Variants in ALPK1 observed in about 807,000 individuals in gnomAD.
The protein encoded by ALPK1 is alpha-protein kinase 1.
ALPK1 carries 110 observed loss-of-function variants against 120.6 expected under a neutral mutation model. The observed-to-expected ratio is 0.91, with a 90% CI of 0.78 to 1.07. ALPK1 has a LOEUF of 1.07. ALPK1 is among the 50% of genes least tolerant of loss of function. The pLI is 0.00. For missense variants in ALPK1, 1,498 were observed against 1,483.9 expected, an observed-to-expected ratio of 1.01 and a Z score of -0.16; for synonymous variants, 582 against 560.3, an observed-to-expected ratio of 1.04 and a Z score of -0.55.
At chr4:112,305,043 A>G (rs1427713154) in intron 1 of ALPK1, among the ~76,000 whole-genome samples, 1 of 152,102 alleles carries the variant, frequency 6.6e-6, no homozygotes, top group African/African-American at 2.4e-5. Flanking sequence ...CAGGTTTGTC[A>G]AAGATCAGAT....
At chr4:112,425,303 AGCACTGAGGCTGAG>A in intron 6 of ALPK1, 1 of 183,556 alleles carries the variant, frequency 5.4e-6, no homozygotes, top group South Asian at 1.2e-4. Flanking sequence ...TTTGAGGAAA[AGCACTGAGGCTGAG>A]ACCTGAAGGA....
Position 112,338,890 on chromosome 4 carries a change from AG to A in ALPK1, c.-101+23040del, listed in dbSNP as rs1483474594. ...TGGTCACCTACCTCATGGTCACCTC[AG>A]GAGAGCAGGCAAAAACTACCTGCTA... On this transcript the variant is annotated intron_variant, in intron 2 of 15. Coordinates refer to ENST00000650871, the MANE Select transcript of ALPK1 (RefSeq NM_025144.4). 1.8e-4 allele frequency among the ~76,000 whole-genome samples: 28 copies of A among 152,220 alleles called. 1 individual carries two copies. Among genetic ancestry groups the A allele is most frequent in the Admixed American group, 1.7e-3 (26 of 15,282 alleles).
At chr4:112,353,362 T>C (rs566742992) in intron 2 of ALPK1, among the ~76,000 whole-genome samples, 79 of 152,312 alleles carry the variant, frequency 5.2e-4, no homozygotes, top group African/African-American at 1.7e-3. Context: ...TGTGTCACTA[T>C]AAAGATTCTT....
chr4:112,298,890 C>T (rs983010536), intron 1 of ALPK1, among the ~76,000 whole-genome samples: 9 of 152,038 alleles, frequency 5.9e-5, no homozygotes, highest in African/African-American at 2.2e-4. Context: ...TTTACTGATC[C>T]CTTTCCCATG....
At chr4:112,316,993 A>G (rs1053220791) in intron 2 of ALPK1, among the ~76,000 whole-genome samples, 7 of 152,164 alleles carry the variant, frequency 4.6e-5, no homozygotes, top group Non-Finnish European at 2.9e-5. Flanking sequence ...ACTTTAGTGG[A>G]TGAATCAAAT....
At chr4:112,314,231 T>TGATGAG (rs1399445640) in intron 1 of ALPK1, among the ~76,000 whole-genome samples, 3 of 152,138 alleles carry the variant, frequency 2.0e-5, no homozygotes, top group Non-Finnish European at 4.4e-5. Context: ...AGTCCTCGTC[T>TGATGAG]GATGAGGATG....
At chr4:112,418,764 T>C (rs968991144) in intron 5 of ALPK1, among the ~76,000 whole-genome samples, 7 of 152,012 alleles carry the variant, frequency 4.6e-5, no homozygotes, top group African/African-American at 1.7e-4. Context: ...ACTCCCTGCA[T>C]AGGAGGGAAC....
intron 2 of ALPK1, among the ~76,000 whole-genome samples, chr4:112,323,760 AT>A (rs1244003074): frequency 5.9e-5 from 9 of 152,178 alleles, no homozygotes; most frequent in Non-Finnish European, 1.0e-4. Flanking sequence ...AGAGTCTGTA[AT>A]TTGCTTCTAC....
At chr4:112,369,970 G>A (rs1343816271) in intron 2 of ALPK1, among the ~76,000 whole-genome samples, 1 of 152,050 alleles carries the variant, frequency 6.6e-6, no homozygotes, top group African/African-American at 2.4e-5. Context: ...TTCTAGCTTG[G>A]GGATTCTGAC....
intron 14 of ALPK1, 90 bp from the exon 15 acceptor site, chr4:112,440,827 G>GTGTT: frequency 5.3e-6 from 8 of 1,507,856 alleles, no homozygotes; most frequent in Non-Finnish European, 7.0e-6. Context: ...GTGTGTGTGT[G>GTGTT]TGTGTGTGTG....
Position 112,431,040 on chromosome 4 carries a change from A to G in ALPK1, c.1493A>G (p.Lys498Arg). The G allele has an allele frequency of 6.2e-7, 1 of 1,613,356 alleles. No individual in the cohort carries two copies. The highest frequency in any genetic ancestry group is 1.3e-5 in the African/African-American group (1 of 74,902). ...ATCACTGCTCTAAAAACAGAAATAA[A>G]AAACATAGATACTGTGAGTACTACT... ...VCITALKTEI[K>R]NIDTVSTTQE... The change falls in exon 11 of 16, where the codon AAA (lysine) becomes AGA (arginine). Residue 498 changes from lysine to arginine, a missense_variant. Coordinates refer to ENST00000650871, the MANE Select transcript of ALPK1 (RefSeq NM_025144.4).
At chr4:112,373,562 C>G (rs1284518951) in intron 2 of ALPK1, among the ~76,000 whole-genome samples, 2 of 152,080 alleles carry the variant, frequency 1.3e-5, no homozygotes, top group Admixed American at 6.5e-5. Flanking sequence ...GGATTCAGTT[C>G]CAACCGTCTG....
At position 112,439,697 on chromosome 4, in the gene ALPK1, C is replaced by T; in HGVS notation, c.3363C>T (p.Asp1121=). The T allele has an allele frequency of 3.7e-6, 6 of 1,601,784 alleles. No individual in the cohort carries two copies. Among genetic ancestry groups the T allele is most frequent in the Non-Finnish European group, 5.1e-6 (6 of 1,175,172 alleles). Reference sequence around the variant, plus strand: ...TTGCTATTTTTCAGATTTTAGAGGACAAGACAATAAAGGGATGTATCAGTG... The same window carrying T: ...TTGCTATTTTTCAGATTTTAGAGGATAAGACAATAAAGGGATGTATCAGTG... ...IPSTILLILE[D]KTIKGCISVE... is the part of the protein sequence containing the mutation. The change falls in exon 14 of 16, where the codon GAC becomes GAT. Residue 1121 remains aspartate, a synonymous_variant. Coordinates refer to ENST00000650871, the MANE Select transcript of ALPK1 (RefSeq NM_025144.4).
chr4:112,324,055 T>C (rs188370708), intron 2 of ALPK1, among the ~76,000 whole-genome samples: 2,070 of 151,958 alleles, frequency 0.014, 18 homozygotes, highest in Non-Finnish European at 0.02. Context: ...TGGCCAGGCG[T>C]GGTGGCTCAT....
At chr4:112,385,420 G>A (rs1732110824) in intron 4 of ALPK1, among the ~76,000 whole-genome samples, 1 of 152,296 alleles carries the variant, frequency 6.6e-6, no homozygotes, top group Admixed American at 6.5e-5. Context: ...GCTCTAAGGG[G>A]CGCTGTCTAT....
chr4:112,343,246 T>G (rs1357952433), intron 2 of ALPK1: 1 of 152,266 alleles, frequency 6.6e-6, no homozygotes, highest in Non-Finnish European at 1.5e-5. Flanking sequence ...ATTCAAGATA[T>G]CTGATGTCAT....
At position 112,357,989 on chromosome 4, in the gene ALPK1, C is replaced by A. The variant is rs935184969; in HGVS notation, c.-100-19689C>A. The A allele has an allele frequency of 4.0e-5, 27 of 676,124 alleles. No homozygotes were observed. The East Asian group carries it at 7.6e-4, about 19-fold the overall frequency. 41.9% of individuals were successfully genotyped at this position (676,124 alleles called of 1,614,324 possible). On this transcript the variant is annotated intron_variant, in intron 2 of 15. Coordinates refer to ENST00000650871, the MANE Select transcript of ALPK1 (RefSeq NM_025144.4). ...CGGCGCCACCTTCCTGGCGGTATGC[C>A]GGGGAAACACTAGCGAGGGGCTGGA...
intron 2 of ALPK1, chr4:112,357,597 G>T (rs1471360072): frequency 6.3e-7 from 1 of 1,591,440 alleles, no homozygotes; most frequent in Non-Finnish European, 8.6e-7. Flanking sequence ...TGGAGTTGCA[G>T]ATCCCTTTCC....
intron 4 of ALPK1, among the ~76,000 whole-genome samples, chr4:112,409,484 T>C (rs188138535): frequency 6.1e-4 from 93 of 152,056 alleles, no homozygotes; most frequent in Non-Finnish European, 9.4e-4. Flanking sequence ...TTAGAAGATA[T>C]AGCTTTGTAT....
Sources: allele counts gnomAD v4.1 joint callset (sites outside exome capture counted in the v4.1 genomes callset), GRCh38; gene constraint gnomAD v4.1.1; transcripts MANE v1.5; gene names NCBI Gene and HGNC (gene_info 2026-07-23, HGNC 2026-07-21).